The following CAMKMT variants were observed in gnomAD, a reference collection of about 807,000 sequenced individuals.
CAMKMT encodes the protein CaM KMT.
Under a neutral mutation model 48.0 loss-of-function variants are expected in CAMKMT, and 53 were observed. The observed-to-expected ratio is 1.10, with a 90% CI of 0.89 to 1.39. CAMKMT has a LOEUF of 1.39. Ranked by LOEUF, CAMKMT falls within the 40% of genes most tolerant of loss-of-function variation. The probability of loss-of-function intolerance (pLI) is 0.00; values close to 1 mark genes in which losing one functional copy is unlikely to be tolerated. For synonymous variants in CAMKMT, 165 were observed against 152.3 expected (o/e 1.08, Z -0.61); for missense variants, 428 against 402.7 (o/e 1.06, Z -0.54).
At chr2:44,448,705 T>C (rs929005937) in intron 3 of CAMKMT, among the ~76,000 whole-genome samples, 13 of 152,214 alleles carry the variant, frequency 8.5e-5, no homozygotes, top group African/African-American at 3.1e-4. Flanking sequence ...AATGATTATG[T>C]ATATGCGTAT....
chr2:44,485,684 C>A (rs1413116207), intron 3 of CAMKMT, among the ~76,000 whole-genome samples: 2 of 152,142 alleles, frequency 1.3e-5, no homozygotes, highest in Non-Finnish European at 2.9e-5. Flanking sequence ...ATTTATGTAT[C>A]TAAACATAGG....
In CAMKMT at chr2:44,367,021, G is replaced by A. The variant is rs367702144; in HGVS notation, c.138+4876G>A. On this transcript the variant is annotated intron_variant, in intron 1 of 10. Transcript: ENST00000378494. ...ATTACACGTGTGAGCCACCATGCCC[G>A]GCCTGTTGCTGTGTCTTAAAAACGG... is the stretch of plus-strand genomic sequence containing the variant. Among the ~76,000 whole-genome samples, 50 of 152,168 alleles carry A rather than the reference G, an allele frequency of 3.3e-4. 1 individual carries two copies. The East Asian group carries it at 7.2e-3, about 22-fold the overall frequency.
intron 3 of CAMKMT, among the ~76,000 whole-genome samples, chr2:44,425,784 G>A (rs1684238532): frequency 6.6e-6 from 1 of 150,948 alleles, no homozygotes; most frequent in Non-Finnish European, 1.5e-5. Context: ...AGGCTGGAGT[G>A]CAATAGCATG....
chr2:44,520,304 G>A (rs1299097527), intron 3 of CAMKMT, among the ~76,000 whole-genome samples: 1 of 152,056 alleles, frequency 6.6e-6, no homozygotes, highest in Non-Finnish European at 1.5e-5. Flanking sequence ...TTCTAGACTA[G>A]TCTAGAACTA....
At chr2:44,511,437 C>T (rs1408582524) in intron 3 of CAMKMT, among the ~76,000 whole-genome samples, 1 of 152,094 alleles carries the variant, frequency 6.6e-6, no homozygotes, top group Non-Finnish European at 1.5e-5. Flanking sequence ...TACAGGTGTG[C>T]ACTAACACGC....
At chr2:44,691,635 A>G (rs1317353944) in intron 3 of CAMKMT, among the ~76,000 whole-genome samples, 1 of 152,112 alleles carries the variant, frequency 6.6e-6, no homozygotes, top group Non-Finnish European at 1.5e-5. Flanking sequence ...TCAGTTGGCA[A>G]TCAGATTGGA....
intron 3 of CAMKMT, among the ~76,000 whole-genome samples, chr2:44,506,210 A>C (rs1298421214): frequency 6.6e-6 from 1 of 152,132 alleles, no homozygotes; most frequent in Non-Finnish European, 1.5e-5. Flanking sequence ...GCAAATGGTA[A>C]ATGTTCCTAA....
rs193059194 is a variant in CAMKMT at position 44,737,012 on chromosome 2, T to C, written c.624-6610T>C. On this transcript the variant is annotated intron_variant, in intron 7 of 10. Coordinates refer to ENST00000378494, the MANE Select transcript of CAMKMT (RefSeq NM_024766.5). ...TGTCTTGTCATTATGGTTTCTATTT[T>C]TTCAATTTTTTATATGTCTGGCCAT... is the stretch of plus-strand genomic sequence containing the variant. Among the ~76,000 whole-genome samples, 610 of 152,342 alleles carry C rather than the reference T, an allele frequency of 4.0e-3. 4 individuals carry two copies. The highest frequency in any genetic ancestry group is 0.014 in the African/African-American group (576 of 41,588).
At chr2:44,601,115 C>G (rs1336312189) in intron 3 of CAMKMT, among the ~76,000 whole-genome samples, 1 of 151,898 alleles carries the variant, frequency 6.6e-6, no homozygotes, top group Admixed American at 6.6e-5. Context: ...TAAAAAGTAC[C>G]AAAATATAGC....
chr2:44,511,029 C>T (rs190998864), intron 3 of CAMKMT, among the ~76,000 whole-genome samples: 147 of 151,972 alleles, frequency 9.7e-4, no homozygotes, highest in African/African-American at 3.1e-3. Flanking sequence ...TTAGTAGAGA[C>T]GGGGTTTCAC....
At chr2:44,667,996 T>G (rs1363387314) in intron 3 of CAMKMT, among the ~76,000 whole-genome samples, 2 of 152,206 alleles carry the variant, frequency 1.3e-5, no homozygotes, top group African/African-American at 4.8e-5. Context: ...CTAATTAAAC[T>G]CTGAGCCTGT....
In CAMKMT at chr2:44,402,413, C is replaced by G. The variant is rs895868876; in HGVS notation, c.376+12108C>G. 4.6e-5 allele frequency among the ~76,000 whole-genome samples: 7 copies of G among 150,630 alleles called. No individual in the cohort carries two copies. The East Asian group carries it at 9.7e-4, about 21-fold the overall frequency. ...TAATGTGTCATAGCTTCTAGAGTTG[C>G]ATTTGAGTAGTCCAATGCTATTCTA... is the stretch of plus-strand genomic sequence containing the variant. On this transcript the variant is annotated intron_variant, in intron 3 of 10. Transcript: ENST00000378494.
chr2:44,768,157 A>G (rs1680927222), intron 10 of CAMKMT, among the ~76,000 whole-genome samples: 1 of 152,020 alleles, frequency 6.6e-6, no homozygotes, highest in Admixed American at 6.5e-5. Flanking sequence ...AAGCACATAA[A>G]TAAGTGGCTT....
At chr2:44,380,513 C>T (rs536951711) in intron 2 of CAMKMT, among the ~76,000 whole-genome samples, 4 of 151,828 alleles carry the variant, frequency 2.6e-5, no homozygotes, top group African/African-American at 7.3e-5. Flanking sequence ...TAAGACTAGA[C>T]AAGAGCTTGT....
chr2:44,738,572 G>T (rs1480163000), intron 7 of CAMKMT, among the ~76,000 whole-genome samples: 4 of 152,166 alleles, frequency 2.6e-5, no homozygotes, highest in African/African-American at 9.7e-5. Flanking sequence ...CATCCATATG[G>T]CATATTTATT....
chr2:44,464,348 T>C (rs1668001778), intron 3 of CAMKMT, among the ~76,000 whole-genome samples: 1 of 152,186 alleles, frequency 6.6e-6, no homozygotes. Flanking sequence ...ACTTATGGTG[T>C]ACCATCTGGC....
intron 3 of CAMKMT, among the ~76,000 whole-genome samples, chr2:44,523,802 G>A (rs992265023): frequency 7.6e-6 from 1 of 132,098 alleles, no homozygotes; most frequent in Non-Finnish European, 1.6e-5. Flanking sequence ...TTTTGAGATG[G>A]AGTCTCGCCC....
rs191597360 is a variant in CAMKMT, at chr2:44,526,372, T to C, written c.376+136067T>C. Among the ~76,000 whole-genome samples, 3 of 152,270 alleles carry C rather than the reference T, an allele frequency of 2.0e-5. No individual in the cohort carries two copies. The East Asian group carries it at 5.8e-4, about 29-fold the overall frequency. ...AGAGAAATAGAACCAGTAGAGTATA[T>C]ATAGATGGATATACAGAGAGAGATT... On this transcript the variant is annotated intron_variant, in intron 3 of 10. Coordinates refer to ENST00000378494, the MANE Select transcript of CAMKMT (RefSeq NM_024766.5).
chr2:44,509,240 C>T (rs1670415561), intron 3 of CAMKMT, among the ~76,000 whole-genome samples: 1 of 152,092 alleles, frequency 6.6e-6, no homozygotes, highest in Non-Finnish European at 1.5e-5. Context: ...TCTCCAATAG[C>T]CTAATTATTT....
Sources: allele counts gnomAD v4.1 joint callset (sites outside exome capture counted in the v4.1 genomes callset), GRCh38; gene constraint gnomAD v4.1.1; transcripts MANE v1.5; gene names NCBI Gene and HGNC (gene_info 2026-07-23, HGNC 2026-07-21).